PTBP2: variants seen among roughly 807,000 people sequenced by gnomAD.
The protein encoded by PTBP2 is polypyrimidine tract-binding protein 2.
A neutral mutation model predicts 61.4 loss-of-function variants in PTBP2; 13 were observed. That is an observed-to-expected ratio of 0.21 (90% CI 0.14 to 0.34). PTBP2 has a LOEUF of 0.34. Among genes scored for constraint, PTBP2 ranks in the 10% least tolerant of loss-of-function variants. PTBP2 has a pLI of 1.00. For synonymous variants in PTBP2, 215 were observed against 218.5 expected, an observed-to-expected ratio of 0.98 and a Z score of 0.14; for missense variants, 405 against 642.6, an observed-to-expected ratio of 0.63 and a Z score of 4.00.
intron 2 of PTBP2, among the ~76,000 whole-genome samples, chr1:96,750,076 A>T (rs1340333809): frequency 6.6e-6 from 1 of 151,560 alleles, no homozygotes; most frequent in Admixed American, 6.6e-5. Flanking sequence ...TTTTTTTTTT[A>T]AACCTGGGGT....
intron 5 of PTBP2, among the ~76,000 whole-genome samples, chr1:96,772,186 C>A (rs144988417): frequency 2.4e-4 from 37 of 152,218 alleles, no homozygotes; most frequent in African/African-American, 8.9e-4. Context: ...CCACAACCCC[C>A]TTTTTGGATT....
At chr1:96,754,416 TA>T (rs1298868450) in intron 3 of PTBP2, among the ~76,000 whole-genome samples, 1 of 152,204 alleles carries the variant, frequency 6.6e-6, no homozygotes, top group Non-Finnish European at 1.5e-5. Context: ...AAAGTGAAGA[TA>T]AATGGAATTC....
At chr1:96,777,993 A>G (rs760024865) in intron 7 of PTBP2, 47 bp downstream of exon 7, 2 of 1,044,480 alleles carry the variant, frequency 1.9e-6, no homozygotes, top group Non-Finnish European at 2.8e-6. Flanking sequence ...TGAAATGTAT[A>G]TGTAGAAAAA....
intron 7 of PTBP2, among the ~76,000 whole-genome samples, chr1:96,780,537 CT>C (rs1658540221): frequency 6.6e-6 from 1 of 152,036 alleles, no homozygotes; most frequent in South Asian, 2.1e-4. Context: ...TAGTCCTTGT[CT>C]TACTTAATAC....
intron 8 of PTBP2, among the ~76,000 whole-genome samples, chr1:96,786,593 T>A: frequency 6.6e-6 from 1 of 152,334 alleles, no homozygotes; most frequent in Non-Finnish European, 1.5e-5. Context: ...TCTTTACTGA[T>A]AGACATTGTT....
chr1:96,798,968 C>T (rs1660673116), intron 8 of PTBP2, among the ~76,000 whole-genome samples: 1 of 152,086 alleles, frequency 6.6e-6, no homozygotes, highest in Non-Finnish European at 1.5e-5. Context: ...GTTAGGGATA[C>T]CTGTGTGTTT....
intron 3 of PTBP2, among the ~76,000 whole-genome samples, chr1:96,762,497 A>AC (rs1332619574): frequency 1.6e-5 from 1 of 63,480 alleles, no homozygotes; most frequent in African/African-American, 7.9e-5. Flanking sequence ...CTGGGGGCTG[A>AC]CCCCCGCCAC....
At chr1:96,799,002 G>T (rs949733473) in intron 8 of PTBP2, among the ~76,000 whole-genome samples, 1 of 152,168 alleles carries the variant, frequency 6.6e-6, no homozygotes, top group Non-Finnish European at 1.5e-5. Flanking sequence ...GAAAGGAAAA[G>T]AATAGATACA....
At chr1:96,739,117 C>G (rs908465864) in intron 2 of PTBP2, among the ~76,000 whole-genome samples, 2 of 152,104 alleles carry the variant, frequency 1.3e-5, no homozygotes, top group African/African-American at 4.8e-5. Flanking sequence ...GAGTAGTTTT[C>G]TCCAGGTTGA....
At chr1:96,755,213 T>TA (rs1416705142) in intron 3 of PTBP2, among the ~76,000 whole-genome samples, 1 of 152,148 alleles carries the variant, frequency 6.6e-6, no homozygotes, top group Admixed American at 6.5e-5. Flanking sequence ...GCACAAAAGA[T>TA]ACACAGATGG....
At position 96,785,218 on chromosome 1, in the gene PTBP2, A is replaced by G; in HGVS notation, c.868A>G (p.Ile290Val). Residue 290 changes from isoleucine to valine, a missense_variant, in exon 8 of 14, where the codon ATT becomes GTT. This residue lies in a region of PTBP2 where 342 missense variants were observed against 491.2 expected (regional missense o/e 0.70). Transcript: ENST00000674951. ...TGGACAACCTGCATTGGACCCAGCTATTGCTGCAGCATTTGCCAAGGAGAC... is the reference window on the plus strand; with the variant it reads ...TGGACAACCTGCATTGGACCCAGCTGTTGCTGCAGCATTTGCCAAGGAGAC... ...GDGQPALDPA[I>V]AAAFAKETSL... is the part of the protein sequence containing the mutation. 1.2e-6 allele frequency: 2 copies of G among 1,600,688 alleles called. No homozygotes were observed. Among genetic ancestry groups the G allele is most frequent in the Non-Finnish European group, 1.7e-6 (2 of 1,175,052 alleles).
chr1:96,738,735 A>G (rs2088252), intron 2 of PTBP2, among the ~76,000 whole-genome samples: 27,704 of 152,174 alleles, frequency 0.18, 3,439 homozygotes, highest in Non-Finnish European at 0.28. Flanking sequence ...GTACAATTCA[A>G]ATATATGTCG....
chr1:96,724,739 G>A (rs1020520764), intron 2 of PTBP2, among the ~76,000 whole-genome samples: 1 of 151,470 alleles, frequency 6.6e-6, no homozygotes, highest in Non-Finnish European at 1.5e-5. Context: ...ATAGCTTTAG[G>A]AGATATACCT....
intron 2 of PTBP2, among the ~76,000 whole-genome samples, chr1:96,735,692 AAAT>A (rs1239264367): frequency 6.6e-6 from 1 of 152,230 alleles, no homozygotes; most frequent in Non-Finnish European, 1.5e-5. Context: ...AAAAAAATAA[AAAT>A]AACTTAGAAT....
chr1:96,762,497 ACCCCC>A (rs1557722675), intron 3 of PTBP2, among the ~76,000 whole-genome samples: 3 of 63,480 alleles, frequency 4.7e-5, no homozygotes, highest in African/African-American at 2.4e-4. Context: ...CTGGGGGCTG[ACCCCC>A]GCCACCTCCC....
chr1:96,813,625 G>T lies in PTBP2; in HGVS notation c.*220G>T. The T allele has an allele frequency of 3.0e-6, 1 of 331,554 alleles. No individual in the cohort carries two copies. The highest frequency in any genetic ancestry group is 5.3e-6 in the Non-Finnish European group (1 of 188,502). The allele number at this position is 331,554 out of a possible 1,614,324, so 20.5% of individuals were successfully genotyped here. On this transcript the variant is annotated 3_prime_UTR_variant, in exon 14 of 14. Transcript: ENST00000674951. Reference sequence around the variant, plus strand: ...TATATTTCATCTGTTCTATAGGGAAGCCATTTTGTCTGTTTAAAATTTCAG... The same window carrying T: ...TATATTTCATCTGTTCTATAGGGAATCCATTTTGTCTGTTTAAAATTTCAG...
chr1:96,747,356 T>C (rs974101566), intron 2 of PTBP2, among the ~76,000 whole-genome samples: 8 of 152,202 alleles, frequency 5.3e-5, no homozygotes, highest in Non-Finnish European at 1.2e-4. Context: ...TAGTAGAATT[T>C]ATCAGTATTT....
intron 3 of PTBP2, among the ~76,000 whole-genome samples, chr1:96,754,548 G>C (rs1433887184): frequency 6.6e-6 from 1 of 152,046 alleles, no homozygotes; most frequent in Non-Finnish European, 1.5e-5. Flanking sequence ...AAGATAAAAA[G>C]AAGTATAACG....
intron 3 of PTBP2, among the ~76,000 whole-genome samples, chr1:96,762,400 C>T (rs1421210750): frequency 6.8e-6 from 1 of 146,952 alleles, no homozygotes; most frequent in Admixed American, 6.7e-5. Flanking sequence ...GGGGGGCTGA[C>T]CCCCCCACCT....
Sources: allele counts gnomAD v4.1 joint callset (sites outside exome capture counted in the v4.1 genomes callset), GRCh38; gene constraint gnomAD v4.1.1; regional missense constraint gnomAD v4.1.1; transcripts MANE v1.5; gene names NCBI Gene and HGNC (gene_info 2026-07-23, HGNC 2026-07-21).